The following PRRC2B variants were observed in gnomAD, a reference collection of about 807,000 sequenced individuals.
PRRC2B encodes protein PRRC2B.
PRRC2B carries 68 observed loss-of-function variants against 242.3 expected under a neutral mutation model. The observed-to-expected ratio is 0.28, with a 90% CI of 0.23 to 0.34. PRRC2B has a LOEUF of 0.34. PRRC2B is among the 10% of genes least tolerant of loss of function. The pLI is 1.00. For missense variants in PRRC2B, 2,835 were observed against 2,954.8 expected, an observed-to-expected ratio of 0.96 and a Z score of 0.94; for synonymous variants, 1,228 against 1,173.6, an observed-to-expected ratio of 1.05 and a Z score of -0.95.
chr9:131,464,853 A>T lies in PRRC2B; in HGVS notation c.1495A>T (p.Met499Leu), dbSNP rs756317018. Reference protein sequence around the residue: ...PPRQKFIQSEMSEAVERARKR... With the variant: ...PPRQKFIQSELSEAVERARKR... ...AAGGCAGAAGTTCATTCAGTCAGAG[A>T]TGTCCGAGGCGGTGGAGCGAGCCCG... The change falls in exon 12 of 32, where the codon ATG (methionine) becomes TTG (leucine). Residue 499 changes from methionine (M) to leucine (L), a missense_variant. Met to Leu is a conservative substitution (Grantham distance 15). Transcript: ENST00000683519. 6.2e-7 allele frequency: 1 copy of T among 1,613,808 alleles called. No homozygotes were observed. Among genetic ancestry groups the T allele is most frequent in the Non-Finnish European group, 8.5e-7 (1 of 1,179,858 alleles).
intron 1 of PRRC2B, among the ~76,000 whole-genome samples, chr9:131,407,296 T>C (rs918807820): frequency 1.3e-5 from 2 of 152,104 alleles, no homozygotes; most frequent in African/African-American, 4.8e-5. Context: ...TACGGTTTTT[T>C]AGACGCTTCG....
intron 2 of PRRC2B, among the ~76,000 whole-genome samples, chr9:131,431,266 G>A (rs1309675985): frequency 1.3e-5 from 2 of 152,130 alleles, no homozygotes; most frequent in East Asian, 1.9e-4. Context: ...AAGTAGCTGG[G>A]ACGACAGGCG....
chr9:131,463,475 A>C (rs1943300233), intron 11 of PRRC2B, among the ~76,000 whole-genome samples: 1 of 152,084 alleles, frequency 6.6e-6, no homozygotes, highest in African/African-American at 2.4e-5. Flanking sequence ...CAGTGGCCAG[A>C]GCTCAGGTGA....
rs1037858208 is a variant in PRRC2B at position 131,496,034 on chromosome 9, A to G, written c.*160A>G. Reference sequence around the variant, plus strand: ...TCCACTCCCGAAAGCTCCGTTGTCAACCAGCTTGCACCCGTGGATATATGG... The same window carrying G: ...TCCACTCCCGAAAGCTCCGTTGTCAGCCAGCTTGCACCCGTGGATATATGG... On this transcript the variant is annotated 3_prime_UTR_variant, in exon 32 of 32. Transcript: ENST00000683519. The G allele has an allele frequency of 5.2e-6, 5 of 957,294 alleles. No homozygotes were observed. Among genetic ancestry groups the G allele is most frequent in the Admixed American group, 2.8e-5 (1 of 35,290 alleles). The allele number at this position is 957,294 out of a possible 1,614,324, so 59.3% of individuals were successfully genotyped here.
rs896928839 is a variant in PRRC2B, at chr9:131,487,116, A to G, written c.5857-51A>G. On this transcript the variant is annotated intron_variant, in intron 26 of 31. Coordinates refer to ENST00000683519, the MANE Select transcript of PRRC2B (RefSeq NM_013318.4). The surrounding 1 kb of genome is among the most constrained non-coding windows in gnomAD (Gnocchi z 5.3). The stretch of plus-strand genomic sequence containing the variant: ...CAGGGGAGGTGGGAGGGGAAGAACC[A>G]CCTGGATGGGCCTTGCGGTTACCTC... 2.0e-5 allele frequency: 32 copies of G among 1,592,060 alleles called. No homozygotes were observed. Among genetic ancestry groups the G allele is most frequent in the Non-Finnish European group, 2.4e-5 (28 of 1,165,028 alleles).
chr9:131,431,447 T>C (rs898206301), intron 2 of PRRC2B, among the ~76,000 whole-genome samples: 3 of 151,736 alleles, frequency 2.0e-5, no homozygotes, highest in African/African-American at 7.3e-5. Flanking sequence ...GTATTTTTAA[T>C]AGAGATGGGG....
intron 1 of PRRC2B, among the ~76,000 whole-genome samples, chr9:131,403,504 G>A (rs1376412313): frequency 6.6e-6 from 1 of 151,338 alleles, no homozygotes; most frequent in African/African-American, 2.4e-5. Flanking sequence ...GGTGCATCCC[G>A]CCACGCCTGG....
chr9:131,477,878 A>G lies in PRRC2B; in HGVS notation c.4541A>G (p.Glu1514Gly), dbSNP rs1326684825. 6.2e-7 allele frequency: 1 copy of G among 1,614,022 alleles called. No homozygotes were observed. The highest frequency in any genetic ancestry group is 8.5e-7 in the Non-Finnish European group (1 of 1,179,890). Residue 1514 changes from glutamate (E) to glycine (G), a missense_variant, in exon 17 of 32, where the codon GAG (glutamate) becomes GGG (glycine). By Grantham distance (98) the Glu-to-Gly change is moderately conservative. This residue lies in a region of PRRC2B where 1,536 missense variants were observed against 1,483.1 expected (regional missense o/e 1.04). Transcript: ENST00000683519. ...GCCTCCAGTAAAAAGGCAGAGAAGG[A>G]GGCCAAGTTGGCTGCTCCGAGGGCA... The part of the protein sequence containing the change: ...PEASSKKAEK[E>G]AKLAAPRAGE...
At chr9:131,421,364 C>A (rs1352602876) in intron 1 of PRRC2B, among the ~76,000 whole-genome samples, 3 of 152,186 alleles carry the variant, frequency 2.0e-5, no homozygotes, top group Admixed American at 2.0e-4. Context: ...GAAAGATAGA[C>A]TTCTTTCATC....
chr9:131,394,989 C>T (rs7039362), intron 1 of PRRC2B, among the ~76,000 whole-genome samples: 2 of 151,480 alleles, frequency 1.3e-5, no homozygotes, highest in Non-Finnish European at 1.5e-5. Context: ...TCTTTTGCCT[C>T]CCCTCAACCC....
In PRRC2B at chr9:131,464,745, G is replaced by T; in HGVS notation, c.1405-18G>T. ...GTCCCGGACCCACCGCCTTATCTCA[G>T]AGACATTCTCTTGGCAGAAGTCATC... is the stretch of plus-strand genomic sequence containing the variant. On this transcript the variant is annotated intron_variant, in intron 11 of 31. Coordinates refer to ENST00000683519, the MANE Select transcript of PRRC2B (RefSeq NM_013318.4). 6.4e-7 allele frequency: 1 copy of T among 1,560,114 alleles called. No homozygotes were observed. Among genetic ancestry groups the T allele is most frequent in the South Asian group, 1.2e-5 (1 of 82,648 alleles).
rs749800702 is a variant in PRRC2B at position 131,474,703 on chromosome 9, C to G, written c.2574C>G (p.Asp858Glu). The G allele has an allele frequency of 6.2e-7, 1 of 1,612,710 alleles. No individual in the cohort carries two copies. The highest frequency in any genetic ancestry group is 8.5e-7 in the Non-Finnish European group (1 of 1,179,426). Reference protein sequence around the residue: ...QNLRCSPLEPDFVPDEKKPEC... With the variant: ...QNLRCSPLEPEFVPDEKKPEC... Reference sequence around the variant, plus strand: ...TCAGGTGTTCCCCATTGGAGCCTGACTTTGTCCCAGATGAGAAAAAGCCAG... The same window carrying G: ...TCAGGTGTTCCCCATTGGAGCCTGAGTTTGTCCCAGATGAGAAAAAGCCAG... Residue 858 changes from aspartate to glutamate, a missense_variant, in exon 16 of 32, where the codon GAC becomes GAG. Coordinates refer to ENST00000683519, the MANE Select transcript of PRRC2B (RefSeq NM_013318.4).
At chr9:131,431,861 C>T (rs898455150) in intron 2 of PRRC2B, among the ~76,000 whole-genome samples, 1 of 152,184 alleles carries the variant, frequency 6.6e-6, no homozygotes, top group African/African-American at 2.4e-5. Context: ...GCTGAGATTA[C>T]AGGCATGAGC....
intron 9 of PRRC2B, among the ~76,000 whole-genome samples, chr9:131,450,225 A>T (rs953192237): frequency 1.3e-5 from 2 of 151,990 alleles, no homozygotes; most frequent in Non-Finnish European, 2.9e-5. Flanking sequence ...TTTGGTTAGG[A>T]TTATGTTGAA....
chr9:131,492,117 C>A, intron 29 of PRRC2B, 52 bp from the exon 30 acceptor site: 1 of 1,399,986 alleles, frequency 7.1e-7, no homozygotes, highest in Non-Finnish European at 1.0e-6. Context: ...GTGTGTGGTC[C>A]AGCTGTCTCC....
At position 131,452,241 on chromosome 9, in the gene PRRC2B, C is replaced by A. The variant is rs962317130; in HGVS notation, c.1121-2835C>A. Among the ~76,000 whole-genome samples the A allele has an allele frequency of 2.0e-5, 3 of 152,312 alleles. No homozygotes were observed. The South Asian group carries it at 6.2e-4, about 32-fold the overall frequency. On this transcript the variant is annotated intron_variant, in intron 9 of 31. Transcript: ENST00000683519. Reference sequence around the variant, plus strand: ...TAATGGCTCAACGCAGCCTCAAACTCCTGGGCTCAAGTGATCCTCCTGCCT... The same window carrying A: ...TAATGGCTCAACGCAGCCTCAAACTACTGGGCTCAAGTGATCCTCCTGCCT...
At chr9:131,394,728 G>T (rs1160713492) in intron 1 of PRRC2B, among the ~76,000 whole-genome samples, 2 of 151,716 alleles carry the variant, frequency 1.3e-5, no homozygotes, top group African/African-American at 4.8e-5. Flanking sequence ...GGATCCTGCG[G>T]GGTCGGGCCT....
At chr9:131,394,064 C>G (rs960899100), upstream of PRRC2B, 71 of 149,866 alleles carry the variant, frequency 4.7e-4, no homozygotes, top group African/African-American at 1.7e-3. Flanking sequence ...GGCGGGGAGC[C>G]GAGCGCGAGG....
chr9:131,376,457 A>G (rs757687557), intron 1 of PRRC2B, among the ~76,000 whole-genome samples: 1 of 151,420 alleles, frequency 6.6e-6, no homozygotes, highest in Non-Finnish European at 1.5e-5. Flanking sequence ...GACAGAGACT[A>G]CTGGGTGTTC....
Sources: gnomAD v4.1 joint callset for allele counts (sites outside exome capture counted in the v4.1 genomes callset) on GRCh38, gnomAD v4.1.1 for gene constraint, gnomAD v4.1.1 regional missense constraint, Gnocchi (gnomAD v3.1) non-coding constraint, MANE v1.5 for transcripts, NCBI Gene and HGNC (gene_info 2026-07-23, HGNC 2026-07-21) for gene names.